Variants in CACNA2D1 observed in about 807,000 individuals in gnomAD.
CACNA2D1 encodes the protein voltage-dependent calcium channel subunit alpha-2/delta-1.
CACNA2D1 carries 53 observed loss-of-function variants against 171.5 expected under a neutral mutation model. The ratio of observed to expected loss-of-function variants is 0.31; its 90% CI spans 0.25 to 0.39. The LOEUF (loss-of-function observed/expected upper bound fraction) is 0.39. Ranked by LOEUF, CACNA2D1 falls within the 10% of genes least tolerant of loss-of-function variation. The probability of loss-of-function intolerance (pLI) is 1.00; values close to 1 mark genes in which losing one functional copy is unlikely to be tolerated. For missense variants in CACNA2D1, 903 were observed against 1,299.8 expected (o/e 0.69, Z 4.69); for synonymous variants, 442 against 443.1 (o/e 1.00, Z 0.03).
chr7:82,013,682 C>T (rs75958377), intron 13 of CACNA2D1, among the ~76,000 whole-genome samples, 172 bp from the exon 14 acceptor site: 1 of 151,710 alleles, frequency 6.6e-6, no homozygotes, highest in African/African-American at 2.4e-5. Flanking sequence ...TGAATCTTCA[C>T]AACAAACACA....
intron 4 of CACNA2D1, among the ~76,000 whole-genome samples, chr7:82,156,075 G>A (rs1794345469): frequency 6.6e-6 from 1 of 151,968 alleles, no homozygotes; most frequent in African/African-American, 2.4e-5. Context: ...CATAAGATTT[G>A]GTGTTAGCAT....
intron 3 of CACNA2D1, among the ~76,000 whole-genome samples, chr7:82,230,485 G>A (rs1802814359): frequency 6.6e-6 from 1 of 152,020 alleles, no homozygotes; most frequent in African/African-American, 2.4e-5. Context: ...ATTTCTGCTG[G>A]AAATGTATCT....
intron 10 of CACNA2D1, among the ~76,000 whole-genome samples, chr7:82,059,733 C>T (rs1314801288): frequency 2.6e-5 from 4 of 151,592 alleles, no homozygotes; most frequent in Admixed American, 6.6e-5. Context: ...ATAGCAAAGA[C>T]TTGGAACCAA....
intron 3 of CACNA2D1, among the ~76,000 whole-genome samples, chr7:82,299,102 T>A (rs1812668665): frequency 7.5e-6 from 1 of 133,738 alleles, no homozygotes; most frequent in South Asian, 2.5e-4. Context: ...AAATACCAAG[T>A]CATTTTTTAC....
intron 10 of CACNA2D1, among the ~76,000 whole-genome samples, chr7:82,041,906 G>A (rs1375189675): frequency 1.3e-5 from 2 of 152,114 alleles, no homozygotes; most frequent in Admixed American, 1.3e-4. Context: ...TCACCATAAA[G>A]GTACAAGTTA....
At position 81,964,312 on chromosome 7, in the gene CACNA2D1, C is replaced by T. The variant is rs1794476675; in HGVS notation, c.2622G>A (p.Leu874=). 6.2e-7 allele frequency: 1 copy of T among 1,611,868 alleles called. No individual in the cohort carries two copies. The highest frequency in any genetic ancestry group is 8.5e-7 in the Non-Finnish European group (1 of 1,178,612). ...GEIDPSLMRH[L]VNISVYAFNK... ...TAAAAGCATAAACTGATATATTAAC[C>T]AGGTGTCTCATCAAGCTGGGATCAA... Residue 874 remains leucine, a synonymous_variant, in exon 33 of 39, where the codon CTG becomes CTA. Transcript: ENST00000356860.
chr7:82,261,827 T>G (rs1425805677), intron 3 of CACNA2D1, among the ~76,000 whole-genome samples: 2 of 152,296 alleles, frequency 1.3e-5, no homozygotes, highest in East Asian at 3.9e-4. Context: ...AATGACTTCT[T>G]TGGATGTAAC....
chr7:82,272,367 T>C (rs1808750059), intron 3 of CACNA2D1, among the ~76,000 whole-genome samples: 1 of 152,118 alleles, frequency 6.6e-6, no homozygotes, highest in African/African-American at 2.4e-5. Context: ...CTGGAAAAAA[T>C]TACTGTAGTG....
intron 5 of CACNA2D1, among the ~76,000 whole-genome samples, chr7:82,133,832 G>A (rs1015026997): frequency 8.5e-5 from 13 of 152,292 alleles, no homozygotes; most frequent in Admixed American, 8.5e-4. Flanking sequence ...CAGCACTTTG[G>A]GAGGCCGAAG....
chr7:81,971,719 G>T, intron 26 of CACNA2D1, 58 bp downstream of exon 26: 1 of 972,696 alleles, frequency 1.0e-6, no homozygotes, highest in Non-Finnish European at 1.7e-6. Flanking sequence ...AATTTCCACA[G>T]GAGAAACTAA....
intron 3 of CACNA2D1, among the ~76,000 whole-genome samples, chr7:82,245,144 G>T (rs1804752575): frequency 1.3e-5 from 2 of 152,148 alleles, no homozygotes; most frequent in African/African-American, 4.8e-5. Flanking sequence ...ACCATATATG[G>T]AGCAGCACTG....
chr7:81,982,671 T>C, intron 23 of CACNA2D1, 44 bp from the exon 24 acceptor site: 3 of 1,151,562 alleles, frequency 2.6e-6, no homozygotes, highest in Non-Finnish European at 4.0e-6. Context: ...ATTCAGAGTA[T>C]ATATCCAGAG....
chr7:82,379,722 C>T (rs1296427988), intron 1 of CACNA2D1, among the ~76,000 whole-genome samples: 1 of 152,128 alleles, frequency 6.6e-6, no homozygotes, highest in Non-Finnish European at 1.5e-5. Flanking sequence ...ATGGTAAGAA[C>T]TGGAAATAAT....
chr7:82,040,834 G>T (rs1452365136), intron 10 of CACNA2D1, among the ~76,000 whole-genome samples: 1 of 152,106 alleles, frequency 6.6e-6, no homozygotes, highest in African/African-American at 2.4e-5. Context: ...AATTAGCCAG[G>T]TGTGGTGGTG....
At position 82,384,159 on chromosome 7, in the gene CACNA2D1, C is replaced by T. The variant is rs1013431428; in HGVS notation, c.96-34510G>A. Among the ~76,000 whole-genome samples, 6 of 152,250 alleles carry T rather than the reference C, an allele frequency of 3.9e-5. No individual in the cohort carries two copies. The South Asian group carries it at 6.2e-4, about 16-fold the overall frequency. ...AGAGAATTAAGGTGACAATTGAAGA[C>T]GTCACCAGGGGTATTTTGGTTTTGG... is the stretch of plus-strand genomic sequence containing the variant. On this transcript the variant is annotated intron_variant, in intron 1 of 38. Coordinates refer to ENST00000356860, the MANE Select transcript of CACNA2D1 (RefSeq NM_000722.4).
At position 81,978,435 on chromosome 7, in the gene CACNA2D1, T is replaced by C. The variant is rs559574080; in HGVS notation, c.1956-3883A>G. On this transcript the variant is annotated intron_variant, in intron 24 of 38. Coordinates refer to ENST00000356860, the MANE Select transcript of CACNA2D1 (RefSeq NM_000722.4). Reference sequence around the variant, plus strand: ...TAAGTTCATGTCCTTTGCAGGGACATGGATGAAGCTGGAAGCCATCATTCT... The same window carrying C: ...TAAGTTCATGTCCTTTGCAGGGACACGGATGAAGCTGGAAGCCATCATTCT... Among the ~76,000 whole-genome samples the C allele has an allele frequency of 2.0e-5, 3 of 152,122 alleles. No individual in the cohort carries two copies. The East Asian group carries it at 5.8e-4, about 30-fold the overall frequency.
rs114149879 is a variant in CACNA2D1 at position 82,252,600 on chromosome 7, G to A, written c.295-81991C>T. ...GAACTATGCTATTTAAGCAAGAGGAGGAAACACTTGGCCGGGCGTGGTGGC... is the reference window on the plus strand; with the variant it reads ...GAACTATGCTATTTAAGCAAGAGGAAGAAACACTTGGCCGGGCGTGGTGGC... On this transcript the variant is annotated intron_variant, in intron 3 of 38. Transcript: ENST00000356860. Among the ~76,000 whole-genome samples the A allele has an allele frequency of 8.1e-3, 1,237 of 152,258 alleles. 26 individuals carry two copies. Among genetic ancestry groups the A allele is most frequent in the African/African-American group, 0.028 (1,170 of 41,540 alleles).
chr7:82,299,060 CAA>C (rs11438533), intron 3 of CACNA2D1, among the ~76,000 whole-genome samples: 9 of 111,834 alleles, frequency 8.0e-5, no homozygotes, highest in Admixed American at 9.7e-5. Context: ...GAGACTCTGT[CAA>C]AAAAAAAAAA....
chr7:82,107,869 C>G (rs959346318), intron 6 of CACNA2D1, among the ~76,000 whole-genome samples: 3 of 152,082 alleles, frequency 2.0e-5, no homozygotes, highest in Admixed American at 2.0e-4. Flanking sequence ...TAGACATTAG[C>G]GTCCGCGCCC....
Sources: allele counts gnomAD v4.1 joint callset (sites outside exome capture counted in the v4.1 genomes callset), GRCh38; gene constraint gnomAD v4.1.1; transcripts MANE v1.5; gene names NCBI Gene and HGNC (gene_info 2026-07-23, HGNC 2026-07-21).